Variants in CKAP5 observed in about 807,000 individuals in gnomAD.
CKAP5 encodes cytoskeleton-associated protein 5.
A neutral mutation model predicts 232.8 loss-of-function variants in CKAP5; 27 were observed. The ratio of observed to expected loss-of-function variants is 0.12; its 90% confidence interval spans 0.09 to 0.16. CKAP5 has a LOEUF of 0.16. CKAP5 is among the 10% of genes least tolerant of loss of function. The probability of loss-of-function intolerance (pLI) is 1.00; values close to 1 mark genes in which losing one functional copy is unlikely to be tolerated. For missense variants in CKAP5, 1,838 were observed against 2,424.7 expected (o/e 0.76, Z 5.08); for synonymous variants, 785 against 841.1 (o/e 0.93, Z 1.16).
intron 11 of CKAP5, 136 bp downstream of exon 11, chr11:46,797,669 A>T: frequency 1.2e-6 from 1 of 807,844 alleles, no homozygotes; most frequent in Non-Finnish European, 1.9e-6. Context: ...TTCAGTTTCC[A>T]AGCTGCAAAG....
chr11:46,839,154 A>G (rs1939990348), intron 1 of CKAP5, among the ~76,000 whole-genome samples: 1 of 152,258 alleles, frequency 6.6e-6, no homozygotes, highest in Non-Finnish European at 1.5e-5. Flanking sequence ...AAAGTGAAGT[A>G]AAAGTGACCA....
At chr11:46,786,861 G>C (rs1412980607) in intron 16 of CKAP5, among the ~76,000 whole-genome samples, 1 of 152,158 alleles carries the variant, frequency 6.6e-6, no homozygotes, top group Admixed American at 6.5e-5. Flanking sequence ...GAGGGTGGGA[G>C]ACAGATCACA....
intron 38 of CKAP5, 91 bp from the exon 39 acceptor site, chr11:46,751,625 T>C: frequency 9.2e-7 from 1 of 1,086,972 alleles, no homozygotes; most frequent in Non-Finnish European, 1.3e-6. Context: ...AGCTCACTTC[T>C]AAAAGATGGC....
intron 12 of CKAP5, 77 bp from the exon 13 acceptor site, chr11:46,795,853 CACAACT>C: frequency 8.3e-7 from 1 of 1,212,080 alleles, no homozygotes; most frequent in Admixed American, 1.9e-5. Flanking sequence ...ATTTCTAAAC[CACAACT>C]ACACATAAGA....
In CKAP5 at chr11:46,758,918, A is replaced by G; in HGVS notation, c.4689+5T>C. 2 of 1,613,698 alleles carry G rather than the reference A, an allele frequency of 1.2e-6. No homozygotes were observed. The highest frequency in any genetic ancestry group is 1.7e-6 in the Non-Finnish European group (2 of 1,179,870). On this transcript the variant is annotated splice_donor_5th_base_variant and intron_variant, in intron 35 of 43. Transcript: ENST00000529230. Reference sequence around the variant, plus strand: ...GAATCCCTGTCACGGGAGCACACCCATTACCTGTGTCAGAGCTTGGATACT... The same window carrying G: ...GAATCCCTGTCACGGGAGCACACCCGTTACCTGTGTCAGAGCTTGGATACT...
intron 26 of CKAP5, 26 bp from the exon 27 acceptor site, chr11:46,767,689 CTA>C (rs1284058409): frequency 7.9e-6 from 11 of 1,400,612 alleles, no homozygotes; most frequent in Non-Finnish European, 1.1e-5. Context: ...TATATATATA[CTA>C]TAAACTTTAA....
intron 1 of CKAP5, among the ~76,000 whole-genome samples, chr11:46,843,104 G>A (rs1592496668): frequency 6.7e-6 from 1 of 150,312 alleles, no homozygotes; most frequent in Admixed American, 6.6e-5. Flanking sequence ...GGAGCCAAAG[G>A]GAGACCCTGC....
intron 16 of CKAP5, among the ~76,000 whole-genome samples, chr11:46,786,277 A>G (rs2065392153): frequency 6.6e-6 from 1 of 152,214 alleles, no homozygotes; most frequent in African/African-American, 2.4e-5. Flanking sequence ...CTTTTCTTCC[A>G]GCTCCACAGT....
At chr11:46,796,160 T>C (rs554334541) in intron 12 of CKAP5, among the ~76,000 whole-genome samples, 152 of 46,744 alleles carry the variant, frequency 3.3e-3, no homozygotes, top group African/African-American at 7.9e-3. Flanking sequence ...GTGAGATTCA[T>C]TGCCAAAAAA....
chr11:46,751,743 T>C lies in CKAP5; in HGVS notation c.5134-209A>G, dbSNP rs573273910. Among the ~76,000 whole-genome samples, 7 of 152,284 alleles carry C rather than the reference T, an allele frequency of 4.6e-5. No homozygotes were observed. In the East Asian group the frequency reaches 1.4e-3, roughly 29 times the overall value. ...CAGCTGAAGTGTGTCCAGTCATTCA[T>C]CTAATCATCCATCTCTACTCCTTCC... On this transcript the variant is annotated intron_variant, in intron 38 of 43. Coordinates refer to ENST00000529230, the MANE Select transcript of CKAP5 (RefSeq NM_001008938.4).
At chr11:46,835,283 T>C (rs908938547) in intron 1 of CKAP5, among the ~76,000 whole-genome samples, 1 of 152,068 alleles carries the variant, frequency 6.6e-6, no homozygotes, top group Non-Finnish European at 1.5e-5. Context: ...CTGGCTGTTT[T>C]GGCTGAGAAG....
intron 15 of CKAP5, 132 bp from the exon 16 acceptor site, chr11:46,788,905 G>C: frequency 1.5e-6 from 1 of 653,268 alleles, no homozygotes; most frequent in South Asian, 1.7e-5. Context: ...GTTATTGAGG[G>C]AGCTTATATA....
At chr11:46,755,698 G>A (rs1283960045) in intron 35 of CKAP5, among the ~76,000 whole-genome samples, 1 of 151,804 alleles carries the variant, frequency 6.6e-6, no homozygotes, top group African/African-American at 2.4e-5. Flanking sequence ...GGAGGCCAAG[G>A]TAGGTGAGTC....
chr11:46,801,541 G>C (rs572721787), intron 8 of CKAP5, among the ~76,000 whole-genome samples: 2 of 152,152 alleles, frequency 1.3e-5, no homozygotes, highest in African/African-American at 4.8e-5. Context: ...ATGGTGGCAG[G>C]CACCTGTAAT....
At chr11:46,760,537 G>T in intron 33 of CKAP5, 75 bp downstream of exon 33, 1 of 1,420,620 alleles carries the variant, frequency 7.0e-7, no homozygotes, top group Non-Finnish European at 9.8e-7. Flanking sequence ...TCAAGATTAT[G>T]TTACAGGACA....
chr11:46,811,666 G>A (rs1478087688), intron 4 of CKAP5, among the ~76,000 whole-genome samples: 1 of 151,938 alleles, frequency 6.6e-6, no homozygotes, highest in Non-Finnish European at 1.5e-5. Context: ...TAGTAGAGAT[G>A]GGGTTTCACT....
rs187186684 is a variant in CKAP5, at chr11:46,777,623, T to A, written c.2749-71A>T. ...TGTGTGCAAACTTCCGTAAATTTGC[T>A]GCTATACTGTCAATACAGCAGGAGA... On this transcript the variant is annotated intron_variant, in intron 22 of 43. Coordinates refer to ENST00000529230, the MANE Select transcript of CKAP5 (RefSeq NM_001008938.4). 604 of 1,009,992 alleles carry A rather than the reference T, an allele frequency of 6.0e-4. 3 individuals carry two copies. The African/African-American group carries it at 9.6e-3, about 16-fold the overall frequency. 62.6% of individuals were successfully genotyped at this position (1,009,992 alleles called of 1,614,324 possible). A position where few individuals can be genotyped will look rare whatever the true frequency, so the allele number is the denominator to read the frequency against.
chr11:46,803,439 T>C (rs1292453664), intron 8 of CKAP5, among the ~76,000 whole-genome samples: 1 of 151,956 alleles, frequency 6.6e-6, no homozygotes, highest in African/African-American at 2.4e-5. Context: ...TGCTAATGTT[T>C]CTATTTTTTG....
chr11:46,821,776 T>C (rs1008739237), intron 1 of CKAP5, among the ~76,000 whole-genome samples: 22 of 152,022 alleles, frequency 1.4e-4, no homozygotes, highest in Non-Finnish European at 2.6e-4. Flanking sequence ...TGGTGGCTCA[T>C]GCCTGTAATC....
Sources: gnomAD v4.1 joint callset for allele counts (sites outside exome capture counted in the v4.1 genomes callset) on GRCh38, gnomAD v4.1.1 for gene constraint, MANE v1.5 for transcripts, NCBI Gene and HGNC (gene_info 2026-07-23, HGNC 2026-07-21) for gene names.